OOEP: variants seen among roughly 807,000 people sequenced by gnomAD.
The protein encoded by OOEP is oocyte expressed protein.
OOEP carries 16 observed loss-of-function variants against 13.7 expected under a neutral mutation model. That is an observed-to-expected ratio of 1.16 (90% CI 0.79 to 1.77). OOEP has a LOEUF of 1.77. Among genes scored for constraint, OOEP ranks in the 40% most tolerant of loss-of-function variants. The pLI is 0.00. For missense variants in OOEP, 195 were observed against 193.1 expected, an observed-to-expected ratio of 1.01 and a Z score of -0.06; for synonymous variants, 89 against 77.1, an observed-to-expected ratio of 1.15 and a Z score of -0.81.
At chr6:73,379,628 G>A (rs1769174673) in intron 2 of OOEP, among the ~76,000 whole-genome samples, 1 of 89,884 alleles carries the variant, frequency 1.1e-5, no homozygotes. Flanking sequence ...AACAGAGTGA[G>A]ACTCTATCTC....
At chr6:73,395,102 A>G (rs1418663762), upstream of OOEP, 3 of 1,614,118 alleles carry the variant, frequency 1.9e-6, no homozygotes, top group East Asian at 6.7e-5. Context: ...GCTGGTCACG[A>G]GGAACTGCCG....
At position 73,384,972 on chromosome 6, in the gene OOEP, G is replaced by A. The variant is rs570167932; in HGVS notation, c.25+9374C>T. Among the ~76,000 whole-genome samples, 3 of 151,336 alleles carry A rather than the reference G, an allele frequency of 2.0e-5. No individual in the cohort carries two copies. In the South Asian group the frequency reaches 6.2e-4, roughly 32 times the overall value. The stretch of plus-strand genomic sequence containing the variant: ...GTCTGCTCTTGAACTCCTGACCTCA[G>A]GTGATCCACTCGCCTTGGCCTCCCA... On this transcript the variant is annotated intron_variant, in intron 2 of 3. Coordinates refer to the OOEP transcript ENST00000370363.
chr6:73,395,058 G>C (rs1483900946), exon 1 of OOEP: 1 of 1,613,656 alleles, frequency 6.2e-7, no homozygotes, highest in Non-Finnish European at 8.5e-7. Context: ...GTGGTCGCTG[G>C]AGAGGCACCT....
upstream of OOEP, chr6:73,373,193 G>A (rs1769087188): frequency 6.2e-7 from 1 of 1,612,298 alleles, no homozygotes. Context: ...AATCCACTGG[G>A]GAATGGGACG....
At chr6:73,390,702 A>G (rs1582630966) in intron 2 of OOEP, among the ~76,000 whole-genome samples, 1 of 147,078 alleles carries the variant, frequency 6.8e-6, no homozygotes, top group South Asian at 2.1e-4. Flanking sequence ...TCAGCCTCTC[A>G]CGTAGCTGGA....
At chr6:73,386,155 C>T (rs528427014) in intron 2 of OOEP, among the ~76,000 whole-genome samples, 3 of 147,010 alleles carry the variant, frequency 2.0e-5, no homozygotes, top group Non-Finnish European at 3.0e-5. Context: ...AGTGCAATGG[C>T]GCGATGTTGG....
chr6:73,395,089 G>A (rs777876868), exon 1 of OOEP: 5 of 1,614,190 alleles, frequency 3.1e-6, no homozygotes, highest in South Asian at 2.2e-5. Context: ...GGAGGCCGTG[G>A]CCGCTGGTCA....
At chr6:73,381,127 C>A (rs548177659) in intron 2 of OOEP, among the ~76,000 whole-genome samples, 1 of 149,478 alleles carries the variant, frequency 6.7e-6, no homozygotes, top group South Asian at 2.1e-4. Flanking sequence ...CCATTGCACT[C>A]CAGCCTGGAC....
upstream of OOEP, among the ~76,000 whole-genome samples, chr6:73,371,773 A>AGAAAAT (rs1562277248): frequency 6.8e-6 from 1 of 147,990 alleles, no homozygotes; most frequent in Admixed American, 6.8e-5. Flanking sequence ...AAATAAAAAT[A>AGAAAAT]AAAAAATTTG....
rs372310903 is a variant in OOEP at position 73,390,723 on chromosome 6, T to C, written c.25+3623A>G. Among the ~76,000 whole-genome samples the C allele has an allele frequency of 3.3e-5, 5 of 151,512 alleles. No individual in the cohort carries two copies. In the East Asian group the frequency reaches 5.8e-4, roughly 18 times the overall value. On this transcript the variant is annotated intron_variant, in intron 2 of 3. Coordinates refer to the OOEP transcript ENST00000370363. Reference sequence around the variant, plus strand: ...TCTCACGTAGCTGGAGCTATAAGCATGCACCACCATGCCCAGCTAATTTTT... The same window carrying C: ...TCTCACGTAGCTGGAGCTATAAGCACGCACCACCATGCCCAGCTAATTTTT...
At chr6:73,394,695 G>A (rs1769420802) in intron 1 of OOEP, 6 of 699,616 alleles carry the variant, frequency 8.6e-6, no homozygotes, top group Non-Finnish European at 9.3e-6. Flanking sequence ...CTAAAACTGG[G>A]AAAGTCCCGC....
chr6:73,394,703 C>T, intron 1 of OOEP: 7 of 735,900 alleles, frequency 9.5e-6, no homozygotes, highest in Non-Finnish European at 1.5e-5. Flanking sequence ...GGGAAAGTCC[C>T]GCCCACAACG....
At chr6:73,389,056 G>GC (rs11390423) in intron 2 of OOEP, among the ~76,000 whole-genome samples, 152,304 of 152,304 alleles carry the variant, frequency 1, 76,152 homozygotes, top group Non-Finnish European at 1. Flanking sequence ...CTGGGGCGGT[G>GC]CTCTGGCGCG....
chr6:73,376,344 GTTTTTTTT>G (rs70994194), intron 2 of OOEP, among the ~76,000 whole-genome samples: 7 of 103,522 alleles, frequency 6.8e-5, no homozygotes, highest in Admixed American at 3.3e-4. Context: ...ACAAGGGGTT[GTTTTTTTT>G]TTTTTTTTTT....
chr6:73,380,091 T>C (rs1173919927), intron 2 of OOEP, among the ~76,000 whole-genome samples: 1 of 152,188 alleles, frequency 6.6e-6, no homozygotes, highest in Admixed American at 6.6e-5. Flanking sequence ...AGGAAAATAT[T>C]GGTTTATTGA....
At chr6:73,386,885 T>C (rs892862694) in intron 2 of OOEP, among the ~76,000 whole-genome samples, 12 of 147,822 alleles carry the variant, frequency 8.1e-5, no homozygotes, top group Non-Finnish European at 1.6e-4. Context: ...GGAGAATCAC[T>C]TGAACCCGGG....
intron 2 of OOEP, among the ~76,000 whole-genome samples, chr6:73,381,285 G>A (rs1769206809): frequency 6.6e-6 from 1 of 151,022 alleles, no homozygotes. Context: ...AGCAGTGAAT[G>A]AGAAGGGAGG....
At chr6:73,373,367 C>G, upstream of OOEP, 1 of 1,175,862 alleles carries the variant, frequency 8.5e-7, no homozygotes, top group Admixed American at 1.8e-5. Context: ...CTCTGTCACC[C>G]AGGCTAGAGT....
chr6:73,391,962 G>A (rs1489698500), intron 2 of OOEP, among the ~76,000 whole-genome samples: 1 of 152,210 alleles, frequency 6.6e-6, no homozygotes, highest in Non-Finnish European at 1.5e-5. Context: ...TGTCTTTGAT[G>A]GGTATGTCCT....
Sources: gnomAD v4.1 joint callset for allele counts (sites outside exome capture counted in the v4.1 genomes callset) on GRCh38, gnomAD v4.1.1 for gene constraint, MANE v1.5 for transcripts, NCBI Gene and HGNC (gene_info 2026-07-23, HGNC 2026-07-21) for gene names.